ARHGAP36: variants seen among roughly 807,000 people sequenced by gnomAD.
ARHGAP36 encodes rho GTPase-activating protein 36.
Under a neutral mutation model 32.9 loss-of-function variants are expected in ARHGAP36, and 7 were observed. That is an observed-to-expected ratio of 0.21 (90% CI 0.12 to 0.40). The LOEUF is 0.40. ARHGAP36 is among the 10% of genes least tolerant of loss of function. The pLI is 1.00. For synonymous variants in ARHGAP36, 165 were observed against 168.3 expected (o/e 0.98, Z 0.15); for missense variants, 383 against 442.2 (o/e 0.87, Z 1.20).
At chrX:131,063,240 G>A (rs1329487333) in intron 1 of ARHGAP36, among the ~76,000 whole-genome samples, 1 of 111,537 alleles carries the variant, frequency 9.0e-6, no homozygotes, top group African/African-American at 3.3e-5. Flanking sequence ...CTACTGTCAC[G>A]TCTCAGATAC....
intron 1 of ARHGAP36, among the ~76,000 whole-genome samples, chrX:131,080,740 G>T (rs1337014069): frequency 4.5e-5 from 5 of 112,191 alleles, no homozygotes; most frequent in African/African-American, 1.6e-4. Context: ...TGTTGGTTTT[G>T]GTACAAATGA....
chrX:131,075,277 C>A (rs2148639390), intron 1 of ARHGAP36, among the ~76,000 whole-genome samples: 1 of 111,704 alleles, frequency 9.0e-6, no homozygotes, highest in Admixed American at 9.5e-5. Flanking sequence ...TTTGTAAGGT[C>A]ATGGATCTGA....
chrX:131,063,278 C>T (rs186397680), intron 1 of ARHGAP36, among the ~76,000 whole-genome samples: 2 of 111,638 alleles, frequency 1.8e-5, no homozygotes, highest in East Asian at 5.6e-4. Context: ...GCGGCTTCCT[C>T]GGGATGAGTA....
At chrX:131,068,454 C>T (rs2079713114) in intron 1 of ARHGAP36, among the ~76,000 whole-genome samples, 1 of 111,951 alleles carries the variant, frequency 8.9e-6, no homozygotes, top group Non-Finnish European at 1.9e-5. Flanking sequence ...TGAGTTGGAT[C>T]CAAGGAAAAT....
chrX:131,065,935 C>T (rs2079696266), intron 1 of ARHGAP36, among the ~76,000 whole-genome samples: 1 of 112,270 alleles, frequency 8.9e-6, no homozygotes, highest in African/African-American at 3.2e-5. Flanking sequence ...TATCCACCCC[C>T]TGACCTCTTT....
intron 1 of ARHGAP36, among the ~76,000 whole-genome samples, chrX:131,068,686 C>A (rs1179493946): frequency 9.7e-6 from 1 of 103,371 alleles, no homozygotes; most frequent in African/African-American, 3.6e-5. Flanking sequence ...GCCCCCACCC[C>A]CCGAGCCCCA....
At chrX:131,063,438 G>A (rs186840991) in intron 1 of ARHGAP36, among the ~76,000 whole-genome samples, 1 of 111,760 alleles carries the variant, frequency 8.9e-6, no homozygotes, top group Admixed American at 9.5e-5. Context: ...CAAAGCTAAG[G>A]CTCCAGGATT....
intron 1 of ARHGAP36, among the ~76,000 whole-genome samples, chrX:131,068,902 C>T (rs904139966): frequency 3.6e-5 from 4 of 111,816 alleles, no homozygotes; most frequent in African/African-American, 1.3e-4. Context: ...CCGCGCTGGA[C>T]ACATAGTAGG....
chrX:131,088,631 C>T lies in ARHGAP36; in HGVS notation c.1490C>T (p.Ser497Phe), dbSNP rs1026063857. 1 of 1,208,485 alleles carries T rather than the reference C, an allele frequency of 8.3e-7. No homozygotes were observed. Among genetic ancestry groups the T allele is most frequent in the Non-Finnish European group, 1.1e-6 (1 of 894,451 alleles). ...TAACATTGTTACTATTTTTCAGGTT[C>T]CTCTGAGGAGCCAGCTGTGCCTTCC... ...LAQSKPSDEGSSEEPAVPSGT... is the reference protein window; with the variant it reads ...LAQSKPSDEGFSEEPAVPSGT... The change falls in exon 12 of 12, where the codon TCC becomes TTC. Residue 497 changes from serine (S) to phenylalanine (F), a missense_variant. Transcript: ENST00000276211.
chrX:131,085,035 A>T lies in ARHGAP36; in HGVS notation c.926A>T (p.Asp309Val). ...RDMKDSLLPDDLYMSFLLTAT... is the reference protein window; with the variant it reads ...RDMKDSLLPDVLYMSFLLTAT... ...ATGAAGGATTCTCTGCTGCCAGATG[A>T]TCTGTACATGTCATTCCTCCTGACA... Residue 309 changes from aspartate to valine, a missense_variant, in exon 7 of 12, where the codon GAT (aspartate) becomes GTT (valine). Asp to Val is a radical substitution (Grantham distance 152). Coordinates refer to ENST00000276211, the MANE Select transcript of ARHGAP36 (RefSeq NM_144967.4). 8.3e-7 allele frequency: 1 copy of T among 1,210,883 alleles called. No individual in the cohort carries two copies. Among genetic ancestry groups the T allele is most frequent in the Non-Finnish European group, 1.1e-6 (1 of 895,329 alleles).
At chrX:131,079,547 TG>T (rs1284198463) in intron 1 of ARHGAP36, among the ~76,000 whole-genome samples, 1 of 63,823 alleles carries the variant, frequency 1.6e-5, no homozygotes, top group Non-Finnish European at 3.5e-5. Context: ...GTTTGTTTTT[TG>T]TTTTTTGTTT....
intron 1 of ARHGAP36, among the ~76,000 whole-genome samples, chrX:131,070,761 G>C (rs183845975): frequency 9.2e-6 from 1 of 109,172 alleles, no homozygotes; most frequent in Non-Finnish European, 1.9e-5. Flanking sequence ...TATATCATGC[G>C]GTCTTTGTGT....
rs1216484261 is a variant in ARHGAP36, at chrX:131,089,773, G to A, written c.*988G>A. 1 of 112,537 alleles carries A rather than the reference G, an allele frequency of 8.9e-6. No individual in the cohort carries two copies. The highest frequency in any genetic ancestry group is 2.8e-4 in the East Asian group (1 of 3,560). The allele number at this position is 112,537 out of a possible 1,213,427, so 9.3% of individuals were successfully genotyped here. On this transcript the variant is annotated 3_prime_UTR_variant, in exon 12 of 12. Coordinates refer to ENST00000276211, the MANE Select transcript of ARHGAP36 (RefSeq NM_144967.4). ...AAATGAAGACTGTATTGTATTGAGGGATAGAAATTGATCATTTAATGGGTA... is the reference window on the plus strand; with the variant it reads ...AAATGAAGACTGTATTGTATTGAGGAATAGAAATTGATCATTTAATGGGTA...
chrX:131,083,546 G>A (rs753897581), intron 3 of ARHGAP36, among the ~76,000 whole-genome samples, 188 bp from the exon 4 acceptor site: 1 of 112,010 alleles, frequency 8.9e-6, no homozygotes, highest in South Asian at 3.8e-4. Context: ...GTTGAGTGGA[G>A]CTGAGTCCTT....
rs368664815 is a variant in ARHGAP36 at position 131,081,799 on chromosome X, G to C, written c.134G>C (p.Arg45Pro). ...GGAGCCCCAGGACACAACCCCGACC[G>C]CAGGACGAAGATGGTATCGATACAC... ...LGGAPGHNPD[R>P]RTKMVSIHSL... Residue 45 changes from arginine (R) to proline (P), a missense_variant, in exon 2 of 12, where the codon CGC (arginine) becomes CCC (proline). Around this residue, in one of 2 missense-constraint regions of ARHGAP36, gnomAD observed 156 missense variants for 131.0 expected, o/e 1.19. Coordinates refer to ENST00000276211, the MANE Select transcript of ARHGAP36 (RefSeq NM_144967.4). 2 of 1,210,405 alleles carry C rather than the reference G, an allele frequency of 1.7e-6. No individual in the cohort carries two copies. The highest frequency in any genetic ancestry group is 3.5e-5 in the African/African-American group (2 of 57,202).
rs368664815 is a variant in ARHGAP36, at chrX:131,081,799, G to T, written c.134G>T (p.Arg45Leu). Reference protein sequence around the residue: ...LGGAPGHNPDRRTKMVSIHSL... With the variant: ...LGGAPGHNPDLRTKMVSIHSL... ...GGAGCCCCAGGACACAACCCCGACC[G>T]CAGGACGAAGATGGTATCGATACAC... The change falls in exon 2 of 12, where the codon CGC becomes CTC. Residue 45 changes from arginine to leucine, a missense_variant. Arg to Leu is a moderately radical substitution (Grantham distance 102, BLOSUM62 -2). Transcript: ENST00000276211. 5.8e-5 allele frequency: 70 copies of T among 1,210,405 alleles called. No individual in the cohort carries two copies. The highest frequency in any genetic ancestry group is 7.5e-5 in the Non-Finnish European group (67 of 895,392).
chrX:131,065,985 G>A (rs1482826514), intron 1 of ARHGAP36, among the ~76,000 whole-genome samples: 1 of 111,840 alleles, frequency 8.9e-6, no homozygotes, highest in African/African-American at 3.3e-5. Context: ...TAAGCTGGGA[G>A]CTAGAGCTTC....
intron 1 of ARHGAP36, chrX:131,073,110 A>T (rs1397427504): frequency 8.9e-6 from 1 of 112,459 alleles, no homozygotes; most frequent in Non-Finnish European, 1.9e-5. Context: ...GACGTGAGGG[A>T]GGGAGAGGAG....
chrX:131,084,175 CTT>C, intron 4 of ARHGAP36, 38 bp from the exon 5 acceptor site: 1 of 1,159,128 alleles, frequency 8.6e-7, no homozygotes, highest in Non-Finnish European at 1.2e-6. Flanking sequence ...AATTGACTCT[CTT>C]TATTTCCCAT....
Sources: gnomAD v4.1 joint callset for allele counts (sites outside exome capture counted in the v4.1 genomes callset) on GRCh38, gnomAD v4.1.1 for gene constraint, gnomAD v4.1.1 regional missense constraint, MANE v1.5 for transcripts, NCBI Gene and HGNC (gene_info 2026-07-23, HGNC 2026-07-21) for gene names.